The following SGIP1 variants were observed in gnomAD, a reference collection of about 807,000 sequenced individuals.
SGIP1 encodes SH3GL interacting endocytic adaptor 1.
In SGIP1, 38 loss-of-function variants were observed where a neutral mutation model predicts 107.5. That is an observed-to-expected ratio of 0.35 (90% confidence interval 0.27 to 0.46). The LOEUF (loss-of-function observed/expected upper bound fraction) is 0.46, where lower values mean the gene tolerates loss of function less well. Among genes scored for constraint, SGIP1 ranks in the 20% least tolerant of loss-of-function variants. The pLI is 1.00. For missense variants in SGIP1, 929 were observed against 1,019.5 expected, an observed-to-expected ratio of 0.91 and a Z score of 1.21; for synonymous variants, 365 against 366.1, an observed-to-expected ratio of 1.00 and a Z score of 0.03.
chr1:66,689,955 G>A (rs1021143048), intron 16 of SGIP1, among the ~76,000 whole-genome samples: 1 of 152,170 alleles, frequency 6.6e-6, no homozygotes, highest in East Asian at 1.9e-4. Context: ...CCCACTGACC[G>A]TGTCACAGAT....
rs764833199 is a variant in SGIP1 at position 66,646,087 on chromosome 1, C to T, written c.459+2368C>T. 3.8e-4 allele frequency among the ~76,000 whole-genome samples: 58 copies of T among 152,090 alleles called. 2 individuals carry two copies. Among genetic ancestry groups the T allele is most frequent in the Non-Finnish European group, 7.8e-4 (53 of 68,016 alleles). On this transcript the variant is annotated intron_variant, in intron 7 of 24. Coordinates refer to ENST00000371037, the MANE Select transcript of SGIP1 (RefSeq NM_032291.4). ...AATTGCTGACCTCAGGTGATTCGTCCGCCTTAGCTTCCCAAAGTGCTGGGA... is the reference window on the plus strand; with the variant it reads ...AATTGCTGACCTCAGGTGATTCGTCTGCCTTAGCTTCCCAAAGTGCTGGGA...
At chr1:66,628,078 C>T (rs2073355293) in intron 2 of SGIP1, among the ~76,000 whole-genome samples, 2 of 152,130 alleles carry the variant, frequency 1.3e-5, no homozygotes, top group African/African-American at 2.4e-5. Context: ...GACATGAACT[C>T]ATTATTTTTT....
intron 18 of SGIP1, among the ~76,000 whole-genome samples, chr1:66,713,687 C>A (rs1197579382): frequency 6.6e-6 from 1 of 152,036 alleles, no homozygotes; most frequent in African/African-American, 2.4e-5. Context: ...TCATACATTT[C>A]TCTGTATCCC....
intron 1 of SGIP1, among the ~76,000 whole-genome samples, chr1:66,565,089 G>T (rs2059465719): frequency 6.6e-6 from 1 of 152,012 alleles, no homozygotes; most frequent in South Asian, 2.1e-4. Flanking sequence ...TGACTCCACT[G>T]CCAGTTTGCT....
intron 19 of SGIP1, among the ~76,000 whole-genome samples, chr1:66,726,398 T>C (rs546844651): frequency 6.6e-6 from 1 of 152,308 alleles, no homozygotes; most frequent in African/African-American, 2.4e-5. Flanking sequence ...AAACCTCATG[T>C]GGAAATTCAA....
At chr1:66,688,539 T>C (rs1208245072) in intron 15 of SGIP1, among the ~76,000 whole-genome samples, 2 of 152,242 alleles carry the variant, frequency 1.3e-5, no homozygotes, top group African/African-American at 4.8e-5. Context: ...TCAGTGCATG[T>C]CTGTTATCAA....
At chr1:66,642,900 T>C (rs746022442) in intron 6 of SGIP1, 36 bp downstream of exon 6, 1 of 1,534,494 alleles carries the variant, frequency 6.5e-7, no homozygotes, top group South Asian at 1.2e-5. Context: ...TAATTTTCAT[T>C]CACTCTCAGA....
chr1:66,661,066 C>T (rs928272957), intron 8 of SGIP1, among the ~76,000 whole-genome samples: 2 of 152,074 alleles, frequency 1.3e-5, no homozygotes, highest in African/African-American at 4.8e-5. Context: ...TGTAAATTAC[C>T]TCCTGGATGT....
intron 19 of SGIP1, among the ~76,000 whole-genome samples, chr1:66,728,001 A>G (rs2093835849): frequency 6.6e-6 from 1 of 152,158 alleles, no homozygotes; most frequent in South Asian, 2.1e-4. Flanking sequence ...CACTGTATAT[A>G]AGTTCAGTTT....
rs1388503390 is a variant in SGIP1 at position 66,749,626 on chromosome 1, C to T, written c.*6531C>T. Among the ~76,000 whole-genome samples, 1 of 151,962 alleles carries T rather than the reference C, an allele frequency of 6.6e-6. No individual in the cohort carries two copies. The highest frequency in any genetic ancestry group is 1.5e-5 in the Non-Finnish European group (1 of 67,918). On this transcript the variant is annotated 3_prime_UTR_variant, in exon 25 of 25. Transcript: ENST00000371037. ...AAGATAGTTCAGTTTTTAATCCATC[C>T]AGAGTTTGTGAATCAGCCTGATAGA...
At chr1:66,723,559 C>T (rs1483466393) in intron 19 of SGIP1, among the ~76,000 whole-genome samples, 1 of 152,150 alleles carries the variant, frequency 6.6e-6, no homozygotes, top group Non-Finnish European at 1.5e-5. Context: ...GCTTAGGTTA[C>T]TCGGCTCTCT....
chr1:66,617,076 G>C (rs10493412), intron 1 of SGIP1, among the ~76,000 whole-genome samples: 19,481 of 152,180 alleles, frequency 0.13, 1,341 homozygotes, highest in Admixed American at 0.18. Flanking sequence ...TTTCCTTTAA[G>C]TCAAGTAGAA....
At chr1:66,681,671 TATG>T (rs2086724964) in intron 14 of SGIP1, among the ~76,000 whole-genome samples, 195 bp from the exon 15 acceptor site, 1 of 151,786 alleles carries the variant, frequency 6.6e-6, no homozygotes, top group African/African-American at 2.4e-5. Flanking sequence ...AGCATAAAAA[TATG>T]ATGCTCACTT....
intron 8 of SGIP1, among the ~76,000 whole-genome samples, chr1:66,661,870 C>T (rs923838059): frequency 1.6e-4 from 24 of 152,064 alleles, no homozygotes; most frequent in African/African-American, 5.8e-4. Context: ...AATATCCCCC[C>T]CATCATTCCC....
Position 66,639,838 on chromosome 1 carries a change from G to A in SGIP1, c.228+5G>A. The A allele has an allele frequency of 6.2e-7, 1 of 1,608,806 alleles. No homozygotes were observed. The highest frequency in any genetic ancestry group is 8.5e-7 in the Non-Finnish European group (1 of 1,176,100). ...GAAATTGATTGGGAAAGATATGTGA[G>A]TATCAGAAGAGTGTTTCTCTTTATT... is the stretch of plus-strand genomic sequence containing the variant. On this transcript the variant is annotated splice_donor_5th_base_variant and intron_variant, in intron 5 of 24. Transcript: ENST00000371037.
At chr1:66,643,447 A>G in intron 6 of SGIP1, 97 bp from the exon 7 acceptor site, 1 of 958,196 alleles carries the variant, frequency 1.0e-6, no homozygotes, top group East Asian at 2.8e-5. Context: ...TCTGCCATCT[A>G]AGGATACTTT....
At chr1:66,702,924 G>C (rs2092108268) in intron 18 of SGIP1, among the ~76,000 whole-genome samples, 1 of 152,174 alleles carries the variant, frequency 6.6e-6, no homozygotes, top group Non-Finnish European at 1.5e-5. Flanking sequence ...TCTAGAACAG[G>C]ACTTCTCATC....
intron 1 of SGIP1, among the ~76,000 whole-genome samples, chr1:66,580,938 T>TTA (rs1456735869): frequency 1.3e-5 from 2 of 152,116 alleles, no homozygotes; most frequent in African/African-American, 4.8e-5. Context: ...TTTCTAAGTG[T>TTA]TATGCTAAAG....
intron 18 of SGIP1, 114 bp downstream of exon 18, chr1:66,695,607 T>A: frequency 1.0e-6 from 1 of 965,796 alleles, no homozygotes; most frequent in Non-Finnish European, 1.5e-6. Context: ...ACTTTCTATA[T>A]GAAAATGCTA....
Sources: allele counts gnomAD v4.1 joint callset (sites outside exome capture counted in the v4.1 genomes callset), GRCh38; gene constraint gnomAD v4.1.1; transcripts MANE v1.5; gene names NCBI Gene and HGNC (gene_info 2026-07-23, HGNC 2026-07-21).